Variants in GSE1 observed in about 807,000 individuals in gnomAD.
GSE1 encodes the protein genetic suppressor element 1.
GSE1 carries 32 observed loss-of-function variants against 112.6 expected under a neutral mutation model. That is an observed-to-expected ratio of 0.28 (90% CI 0.21 to 0.38). GSE1 has a LOEUF of 0.38. Ranked by LOEUF, GSE1 falls within the 10% of genes least tolerant of loss-of-function variation. The probability of loss-of-function intolerance (pLI) is 1.00; values close to 1 mark genes in which losing one functional copy is unlikely to be tolerated. For missense variants in GSE1, 2,348 were observed against 1,699.2 expected (o/e 1.38, Z -6.71); for synonymous variants, 1,115 against 735.6 (o/e 1.52, Z -8.35).
chr16:85,665,971 A>G lies in GSE1; in HGVS notation c.2759-5A>G, dbSNP rs748235294. 5.0e-6 allele frequency: 8 copies of G among 1,612,636 alleles called. No individual in the cohort carries two copies. Among genetic ancestry groups the G allele is most frequent in the Non-Finnish European group, 6.8e-6 (8 of 1,179,576 alleles). On this transcript the variant is annotated splice_region_variant and splice_polypyrimidine_tract_variant and intron_variant, in intron 12 of 15. Coordinates refer to ENST00000253458, the MANE Select transcript of GSE1 (RefSeq NM_014615.5). ...TAATATTTTCCTTCACTTTGTCTCTAAAAGAACCAGCCACGCAGCAAGCCT... is the reference window on the plus strand; with the variant it reads ...TAATATTTTCCTTCACTTTGTCTCTGAAAGAACCAGCCACGCAGCAAGCCT...
chr16:85,488,899 GC>G (rs1238890591), intron 2 of GSE1, among the ~76,000 whole-genome samples: 1 of 152,030 alleles, frequency 6.6e-6, no homozygotes, highest in Non-Finnish European at 1.5e-5. Flanking sequence ...CATTCTAACA[GC>G]CCCCCGGGGG....
chr16:85,188,115 C>G (rs1004736948), intron 1 of GSE1, among the ~76,000 whole-genome samples: 2 of 152,182 alleles, frequency 1.3e-5, no homozygotes, highest in Non-Finnish European at 2.9e-5. Flanking sequence ...GGATGGAAAC[C>G]TGCGAGTGGC....
chr16:85,245,009 T>A (rs28656916), intron 1 of GSE1, among the ~76,000 whole-genome samples: 7,099 of 126,352 alleles, frequency 0.056, 224 homozygotes, highest in African/African-American at 0.07. Flanking sequence ...AAAAAAAAAA[T>A]TTTTTTTCCG....
chr16:85,332,033 C>G (rs546651444), intron 1 of GSE1, among the ~76,000 whole-genome samples: 70 of 152,088 alleles, frequency 4.6e-4, no homozygotes, highest in Non-Finnish European at 5.1e-4. Flanking sequence ...AGTAGAGGCT[C>G]TGGGGCCCTT....
intron 1 of GSE1, among the ~76,000 whole-genome samples, chr16:85,309,774 C>G (rs2045782966): frequency 6.6e-6 from 1 of 152,212 alleles, no homozygotes; most frequent in Admixed American, 6.5e-5. Context: ...AGCCCTGGGT[C>G]TGGGCCGGCT....
chr16:85,368,034 A>G (rs896745812), intron 2 of GSE1, among the ~76,000 whole-genome samples: 1 of 151,848 alleles, frequency 6.6e-6, no homozygotes, highest in Non-Finnish European at 1.5e-5. Flanking sequence ...TTGTATTTTT[A>G]GTAGAGACGG....
intron 2 of GSE1, among the ~76,000 whole-genome samples, chr16:85,382,234 C>A (rs1476548433): frequency 1.3e-5 from 2 of 152,212 alleles, no homozygotes; most frequent in African/African-American, 4.8e-5. Context: ...ATCTCCCGTC[C>A]TGGTCATTCT....
chr16:85,206,332 G>T (rs182843369), intron 1 of GSE1, among the ~76,000 whole-genome samples: 1 of 152,300 alleles, frequency 6.6e-6, no homozygotes, highest in African/African-American at 2.4e-5. Flanking sequence ...CACGGTGGAA[G>T]GGTCTCAGCT....
chr16:85,667,898 A>G (rs560019230), intron 13 of GSE1, among the ~76,000 whole-genome samples: 47 of 123,706 alleles, frequency 3.8e-4, no homozygotes, highest in Admixed American at 2.5e-3. Flanking sequence ...TCCAACAAAA[A>G]TGGTCCACGT....
chr16:85,626,730 G>T (rs537873337), intron 1 of GSE1, among the ~76,000 whole-genome samples: 4 of 152,188 alleles, frequency 2.6e-5, no homozygotes, highest in African/African-American at 4.8e-5. Context: ...GTCTGGTGCC[G>T]GGGAAGAGCC....
In GSE1 at chr16:85,646,139, G is replaced by A. The variant is rs1273060815; in HGVS notation, c.227-2413G>A. Among the ~76,000 whole-genome samples the A allele has an allele frequency of 1.8e-5, 2 of 111,044 alleles. 1 individual carries two copies. Among genetic ancestry groups the A allele is most frequent in the African/African-American group, 7.9e-5 (2 of 25,336 alleles). 72.8% of individuals were successfully genotyped at this position (111,044 alleles called of 152,430 possible). On this transcript the variant is annotated intron_variant, in intron 2 of 15. Transcript: ENST00000253458. ...TGCTTCTACCACGCTTCCTATGCAT[G>A]CATTCTACCTGCTTCTACCACGCTT...
chr16:85,427,810 C>T (rs890157367), intron 2 of GSE1, among the ~76,000 whole-genome samples: 2 of 152,134 alleles, frequency 1.3e-5, no homozygotes, highest in African/African-American at 2.4e-5. Context: ...CCAGCCTGGG[C>T]GACAGAGCAA....
At chr16:85,639,088 C>A (rs1000644982) in intron 2 of GSE1, among the ~76,000 whole-genome samples, 1 of 152,224 alleles carries the variant, frequency 6.6e-6, no homozygotes, top group Non-Finnish European at 1.5e-5. Context: ...TCCCAGCGAC[C>A]GGCCTGGGCT....
chr16:85,343,955 C>T (rs867442163), intron 1 of GSE1, among the ~76,000 whole-genome samples: 13 of 152,182 alleles, frequency 8.5e-5, no homozygotes, highest in African/African-American at 2.9e-4. Flanking sequence ...GGCACAGTCC[C>T]GTCTCAGGGC....
intron 2 of GSE1, among the ~76,000 whole-genome samples, chr16:85,482,514 A>C (rs1057486052): frequency 2.0e-5 from 3 of 152,062 alleles, no homozygotes; most frequent in African/African-American, 7.2e-5. Context: ...CCCCCAAATA[A>C]AATCCTGGTA....
intron 2 of GSE1, among the ~76,000 whole-genome samples, chr16:85,371,720 G>A (rs1345994657): frequency 6.6e-6 from 1 of 152,204 alleles, no homozygotes; most frequent in Non-Finnish European, 1.5e-5. Flanking sequence ...AGCTCAGGGT[G>A]CCTCCCATCC....
At chr16:85,195,395 CAG>C (rs1345251684) in intron 1 of GSE1, among the ~76,000 whole-genome samples, 1 of 152,142 alleles carries the variant, frequency 6.6e-6, no homozygotes, top group African/African-American at 2.4e-5. Context: ...CTGGCTGGGA[CAG>C]GGGTGGCAGC....
intron 2 of GSE1, among the ~76,000 whole-genome samples, chr16:85,507,128 G>A (rs539389075): frequency 6.6e-6 from 1 of 152,326 alleles, no homozygotes; most frequent in East Asian, 1.9e-4. Context: ...CCATCAGCGG[G>A]CGTCGTCGAC....
At chr16:85,331,378 T>C (rs954080363) in intron 1 of GSE1, among the ~76,000 whole-genome samples, 3 of 140,758 alleles carry the variant, frequency 2.1e-5, no homozygotes, top group African/African-American at 7.7e-5. Flanking sequence ...TATATGTATA[T>C]ATATGTATAT....
Sources: gnomAD v4.1 joint callset for allele counts (sites outside exome capture counted in the v4.1 genomes callset) on GRCh38, gnomAD v4.1.1 for gene constraint, MANE v1.5 for transcripts, NCBI Gene and HGNC (gene_info 2026-07-23, HGNC 2026-07-21) for gene names.